Variants in FGF16 observed in about 807,000 individuals in gnomAD.
FGF16 encodes the protein metacarpal 4-5 fusion.
FGF16 carries 2 observed loss-of-function variants against 8.5 expected under a neutral mutation model. That is an observed-to-expected ratio of 0.24 (90% CI 0.10 to 0.75). The LOEUF (loss-of-function observed/expected upper bound fraction) is 0.75, where lower values mean the gene tolerates loss of function less well. FGF16 is among the 30% of genes least tolerant of loss of function. FGF16 has a pLI of 0.74. For synonymous variants in FGF16, 33 were observed against 34.6 expected, an observed-to-expected ratio of 0.95 and a Z score of 0.16; for missense variants, 79 against 87.4, an observed-to-expected ratio of 0.90 and a Z score of 0.38.
rs2062574107 is a variant in FGF16 at position 77,456,837 on chromosome X, A to G, written c.*315A>G. 5.9e-6 allele frequency: 1 copy of G among 169,128 alleles called. No individual in the cohort carries two copies. The highest frequency in any genetic ancestry group is 1.1e-5 in the Non-Finnish European group (1 of 90,368). 13.9% of individuals were successfully genotyped at this position (169,128 alleles called of 1,213,427 possible). ...AAGGGCCAGGGGTGTCTTACCCCAC[A>G]ATTTACTCAAATACCTTGACAATGG... On this transcript the variant is annotated 3_prime_UTR_variant, in exon 3 of 3. Transcript: ENST00000439435.
chrX:77,454,161 C>T lies in FGF16; in HGVS notation c.279C>T (p.Ile93=), dbSNP rs868969603. 3.4e-6 allele frequency: 4 copies of T among 1,185,543 alleles called. No homozygotes were observed. The highest frequency in any genetic ancestry group is 4.6e-6 in the Non-Finnish European group (4 of 874,911). The change falls in exon 2 of 3, where the codon ATC becomes ATT. Residue 93 remains isoleucine, a synonymous_variant. Transcript: ENST00000439435. Reference sequence around the variant, plus strand: ...AGTGTTCACTTTTTGCCCTAGGAATCCTGGAGTTTATCAGCCTGGCTGTGG... The same window carrying T: ...AGTGTTCACTTTTTGCCCTAGGAATTCTGGAGTTTATCAGCCTGGCTGTGG... ...GTRHDHSRFG[I]LEFISLAVGL... is the part of the protein sequence containing the mutation.
chrX:77,450,462 A>C (rs1365026875), intron 1 of FGF16, among the ~76,000 whole-genome samples: 1 of 112,618 alleles, frequency 8.9e-6, no homozygotes, highest in Non-Finnish European at 1.9e-5. Flanking sequence ...GAAGTTCACA[A>C]GGATACTGAC....
chrX:77,451,986 T>C lies in FGF16; in HGVS notation c.275-2171T>C, dbSNP rs1205926763. Among the ~76,000 whole-genome samples the C allele has an allele frequency of 2.7e-5, 3 of 112,371 alleles. No homozygotes were observed. In the East Asian group the frequency reaches 8.3e-4, roughly 31 times the overall value. On this transcript the variant is annotated intron_variant, in intron 1 of 2. Coordinates refer to ENST00000439435, the MANE Select transcript of FGF16 (RefSeq NM_003868.3). ...AAAGAAAGAAATAAATAGATAATTATAAAGCCCTTGCACAGACCAACTATG... is the reference window on the plus strand; with the variant it reads ...AAAGAAAGAAATAAATAGATAATTACAAAGCCCTTGCACAGACCAACTATG...
chrX:77,447,736 C>T lies in FGF16; in HGVS notation c.62C>T (p.Ser21Phe), dbSNP rs1377332228. The change falls in exon 1 of 3, where the codon TCT becomes TTT. Residue 21 changes from serine to phenylalanine, a missense_variant. Physicochemically the swap from Ser to Phe is radical, Grantham distance 155 (BLOSUM62 -2). Transcript: ENST00000439435. ...TGGGATCTACACGGCTTCTCCTCGT[C>T]TCTGGGGAACGTGCCCTTAGCTGAC... ...LDWDLHGFSS[S>F]LGNVPLADSP... 3.4e-6 allele frequency: 1 copy of T among 296,918 alleles called. No individual in the cohort carries two copies. Among genetic ancestry groups the T allele is most frequent in the Non-Finnish European group, 5.9e-6 (1 of 170,186 alleles). 24.5% of individuals were successfully genotyped at this position (296,918 alleles called of 1,213,427 possible).
intron 1 of FGF16, 117 bp downstream of exon 1, chrX:77,448,065 G>T (rs1190020979): frequency 6.7e-6 from 2 of 296,349 alleles, no homozygotes; most frequent in East Asian, 9.5e-5. Flanking sequence ...GTCCGGGCCA[G>T]TCGAGGCGAG....
chrX:77,456,133 A>AGTT lies in FGF16; in HGVS notation c.379-143_379-141dup, dbSNP rs1214125035. The stretch of plus-strand genomic sequence containing the variant: ...GAGTGTTTTGTGCTATTTGGAAGAA[A>AGTT]GTTACCTCCAGTAATACAGAGAGAT... On this transcript the variant is annotated intron_variant, in intron 2 of 2. Coordinates refer to ENST00000439435, the MANE Select transcript of FGF16 (RefSeq NM_003868.3). The AGTT allele has an allele frequency of 5.8e-6, 3 of 521,212 alleles. No individual in the cohort carries two copies. The African/African-American group carries it at 7.0e-5, about 12-fold the overall frequency. The allele number at this position is 521,212 out of a possible 1,213,427, so 43.0% of individuals were successfully genotyped here.
intron 1 of FGF16, among the ~76,000 whole-genome samples, chrX:77,449,029 T>G (rs946069406): frequency 9.0e-6 from 1 of 110,810 alleles, no homozygotes; most frequent in Non-Finnish European, 1.9e-5. Context: ...TCCCTTCTTT[T>G]TCCCACCCTC....
At position 77,456,507 on chromosome X, in the gene FGF16, C is replaced by T. The variant is rs1466185068; in HGVS notation, c.609C>T (p.Leu203=). The change falls in exon 3 of 3, where the codon CTC becomes CTT. Residue 203 remains leucine (L), a synonymous_variant. Coordinates refer to ENST00000439435, the MANE Select transcript of FGF16 (RefSeq NM_003868.3). The stretch of plus-strand genomic sequence containing the variant: ...AGTTGCCCTCCATGTCCAGAGACCT[C>T]TTTCACTATAGGTAATGAACCTCTG... ...PSKLPSMSRD[L]FHYR 8.3e-7 allele frequency: 1 copy of T among 1,208,490 alleles called. No individual in the cohort carries two copies. Among genetic ancestry groups the T allele is most frequent in the East Asian group, 3.0e-5 (1 of 33,767 alleles).
chrX:77,452,763 A>G (rs1374642554), intron 1 of FGF16, among the ~76,000 whole-genome samples: 1 of 112,142 alleles, frequency 8.9e-6, no homozygotes, highest in East Asian at 2.8e-4. Context: ...TAGATTACAT[A>G]GAATATTATT....
At chrX:77,454,689 C>T (rs1313484274) in intron 2 of FGF16, among the ~76,000 whole-genome samples, 15 of 105,982 alleles carry the variant, frequency 1.4e-4, no homozygotes, top group African/African-American at 4.8e-4. Flanking sequence ...ACTTGAAAGC[C>T]CTTTTTTAGC....
rs782345090 is a variant in FGF16, at chrX:77,454,221, G to A, written c.339G>A (p.Leu113=). Reference sequence around the variant, plus strand: ...GCATCCGGGGAGTGGACTCTGGCCTGTACCTAGGAATGAATGAGCGAGGAG... The same window carrying A: ...GCATCCGGGGAGTGGACTCTGGCCTATACCTAGGAATGAATGAGCGAGGAG... ...LISIRGVDSG[L]YLGMNERGEL... Residue 113 remains leucine, a synonymous_variant, in exon 2 of 3, where the codon CTG becomes CTA. Coordinates refer to ENST00000439435, the MANE Select transcript of FGF16 (RefSeq NM_003868.3). 21 of 1,063,778 alleles carry A rather than the reference G, an allele frequency of 2.0e-5. No individual in the cohort carries two copies. Among genetic ancestry groups the A allele is most frequent in the South Asian group, 3.8e-5 (2 of 53,225 alleles). 87.7% of individuals were successfully genotyped at this position (1,063,778 alleles called of 1,213,427 possible).
At chrX:77,454,311 G>A in intron 2 of FGF16, 51 bp downstream of exon 2, 1 of 625,802 alleles carries the variant, frequency 1.6e-6, no homozygotes, top group Admixed American at 5.2e-5. Flanking sequence ...TTGGTCAGAG[G>A]TTATTACAAC....
intron 1 of FGF16, among the ~76,000 whole-genome samples, chrX:77,448,584 C>T (rs1320911672): frequency 9.0e-6 from 1 of 111,528 alleles, no homozygotes; most frequent in African/African-American, 3.3e-5. Flanking sequence ...CCGGAAACTA[C>T]CTCTGGACTC....
chrX:77,454,353 A>C, intron 2 of FGF16, 93 bp downstream of exon 2: 1 of 510,278 alleles, frequency 2.0e-6, no homozygotes, highest in Non-Finnish European at 3.0e-6. Context: ...CAAAAGTATA[A>C]AAATATTTAT....
At chrX:77,449,146 G>T (rs897718382) in intron 1 of FGF16, among the ~76,000 whole-genome samples, 4 of 111,676 alleles carry the variant, frequency 3.6e-5, no homozygotes, top group Non-Finnish European at 7.5e-5. Context: ...GGAACATAGG[G>T]GCCAGTGCGG....
intron 1 of FGF16, among the ~76,000 whole-genome samples, chrX:77,452,440 G>A (rs1420668014): frequency 1.8e-5 from 2 of 112,540 alleles, no homozygotes; most frequent in East Asian, 2.8e-4. Flanking sequence ...CTCATTTCCC[G>A]AGACTCCTTT....
At chrX:77,450,225 G>C (rs1424849636) in intron 1 of FGF16, among the ~76,000 whole-genome samples, 1 of 112,021 alleles carries the variant, frequency 8.9e-6, no homozygotes, top group Admixed American at 9.5e-5. Flanking sequence ...GGGGGGAAGA[G>C]GTAGTCTCCA....
chrX:77,452,864 G>T (rs1037859610), intron 1 of FGF16, among the ~76,000 whole-genome samples: 1 of 111,810 alleles, frequency 8.9e-6, no homozygotes, highest in African/African-American at 3.3e-5. Flanking sequence ...GATTGCTTGA[G>T]CCCAGGAGTT....
At chrX:77,455,467 T>A (rs2062569414) in intron 2 of FGF16, among the ~76,000 whole-genome samples, 1 of 111,838 alleles carries the variant, frequency 8.9e-6, no homozygotes, top group Non-Finnish European at 1.9e-5. Flanking sequence ...CTAGCGGCAG[T>A]GCATTTTCTC....
Sources: allele counts gnomAD v4.1 joint callset (sites outside exome capture counted in the v4.1 genomes callset), GRCh38; gene constraint gnomAD v4.1.1; transcripts MANE v1.5; gene names NCBI Gene and HGNC (gene_info 2026-07-23, HGNC 2026-07-21).